The following GALNT13 variants were observed in gnomAD, a reference collection of about 807,000 sequenced individuals.
GALNT13 encodes the protein polypeptide N-acetylgalactosaminyltransferase 13.
GALNT13 carries 28 observed loss-of-function variants against 64.2 expected under a neutral mutation model. That is an observed-to-expected ratio of 0.44 (90% CI 0.32 to 0.60). The LOEUF is 0.60. Among genes scored for constraint, GALNT13 ranks in the 20% least tolerant of loss-of-function variants. The probability of loss-of-function intolerance (pLI) is 0.05; values close to 1 mark genes in which losing one functional copy is unlikely to be tolerated. For missense variants in GALNT13, 577 were observed against 669.8 expected, an observed-to-expected ratio of 0.86 and a Z score of 1.53; for synonymous variants, 214 against 224.6, an observed-to-expected ratio of 0.95 and a Z score of 0.42.
intron 3 of GALNT13, among the ~76,000 whole-genome samples, chr2:154,064,437 C>A (rs1700352901): frequency 6.6e-6 from 1 of 152,140 alleles, no homozygotes; most frequent in Non-Finnish European, 1.5e-5. Flanking sequence ...CCTTTCATAA[C>A]TCCAGGCAGC....
rs545614933 is a variant in GALNT13 at position 154,263,090 on chromosome 2, G to C, written c.975+3952G>C. On this transcript the variant is annotated intron_variant, in intron 8 of 12. Transcript: ENST00000392825. The stretch of plus-strand genomic sequence containing the variant: ...AAACTGCCACTATCCAATCAACTCA[G>C]AGCATGGGAAAAAATAAATAAAGGA... Among the ~76,000 whole-genome samples the C allele has an allele frequency of 4.6e-5, 7 of 152,170 alleles. No homozygotes were observed. In the South Asian group the frequency reaches 1.5e-3, roughly 32 times the overall value.
At chr2:153,919,598 T>C (rs1194017581) in intron 2 of GALNT13, among the ~76,000 whole-genome samples, 1 of 152,108 alleles carries the variant, frequency 6.6e-6, no homozygotes, top group Non-Finnish European at 1.5e-5. Flanking sequence ...TAATGTGGGC[T>C]AGGGTTGGGA....
chr2:154,233,066 A>G (rs1300521192), intron 4 of GALNT13, among the ~76,000 whole-genome samples: 1 of 151,548 alleles, frequency 6.6e-6, no homozygotes, highest in African/African-American at 2.4e-5. Flanking sequence ...AAGAAAAAGA[A>G]AAGAAAAAAA....
At chr2:154,170,357 T>G (rs957021528) in intron 4 of GALNT13, among the ~76,000 whole-genome samples, 2 of 152,128 alleles carry the variant, frequency 1.3e-5, no homozygotes, top group African/African-American at 4.8e-5. Flanking sequence ...TTCAGTCAAG[T>G]TGACACATAA....
chr2:153,448,690 C>T, the GALNT13 span, among the ~76,000 whole-genome samples: 3 of 152,032 alleles, frequency 2.0e-5, no homozygotes, highest in Admixed American at 2.0e-4. Context: ...TGCAAGTTAA[C>T]CTATTCTACC....
At chr2:154,432,137 T>C (rs2105450639) in intron 11 of GALNT13, among the ~76,000 whole-genome samples, 1 of 152,312 alleles carries the variant, frequency 6.6e-6, no homozygotes. Context: ...TCATTACGAC[T>C]TCAATAAAGT....
At chr2:153,653,822 T>C in the GALNT13 span, among the ~76,000 whole-genome samples, 2 of 152,168 alleles carry the variant, frequency 1.3e-5, no homozygotes, top group Non-Finnish European at 1.5e-5. Context: ...TAATCAAATA[T>C]TTGAAAAAAT....
intron 11 of GALNT13, among the ~76,000 whole-genome samples, chr2:154,418,715 G>A (rs989599359): frequency 4.6e-5 from 7 of 152,260 alleles, no homozygotes; most frequent in African/African-American, 1.4e-4. Context: ...TTTTATCAAC[G>A]ACAGGAAATT....
the GALNT13 span, among the ~76,000 whole-genome samples, chr2:153,772,134 G>A: frequency 4.4e-4 from 67 of 152,238 alleles, no homozygotes; most frequent in Non-Finnish European, 8.1e-4. Flanking sequence ...TTCAATTCTG[G>A]CTGTGAGCAT....
chr2:153,437,950 G>A, the GALNT13 span, among the ~76,000 whole-genome samples: 1 of 152,226 alleles, frequency 6.6e-6, no homozygotes, highest in Non-Finnish European at 1.5e-5. Flanking sequence ...GCATGTTTTT[G>A]CAGTGGCTGG....
intron 2 of GALNT13, among the ~76,000 whole-genome samples, chr2:153,932,087 A>G (rs965167889): frequency 2.6e-5 from 4 of 152,042 alleles, no homozygotes; most frequent in Non-Finnish European, 4.4e-5. Flanking sequence ...GTGTTAATAG[A>G]GGTGTTTATA....
the GALNT13 span, chr2:153,423,339 C>T: frequency 2.0e-5 from 3 of 151,720 alleles, no homozygotes; most frequent in Admixed American, 2.0e-4. Context: ...AAACTCTTAA[C>T]AAATAGGAGT....
At chr2:153,781,567 C>G in the GALNT13 span, among the ~76,000 whole-genome samples, 1 of 152,002 alleles carries the variant, frequency 6.6e-6, no homozygotes, top group Non-Finnish European at 1.5e-5. Context: ...TCCATGGCAA[C>G]GAAAACTCTC....
the GALNT13 span, among the ~76,000 whole-genome samples, chr2:153,167,737 A>G: frequency 0.022 from 3,368 of 152,314 alleles, 48 homozygotes; most frequent in South Asian, 0.067. Flanking sequence ...GGGGAAGGAA[A>G]GGTGAAGTGT....
At chr2:153,739,625 A>ATTATT in the GALNT13 span, among the ~76,000 whole-genome samples, 2 of 69,834 alleles carry the variant, frequency 2.9e-5, no homozygotes, top group East Asian at 4.2e-4. Flanking sequence ...GATTTTATTT[A>ATTATT]TTATTTTATT....
chr2:153,560,419 T>TA, the GALNT13 span, among the ~76,000 whole-genome samples: 10 of 151,164 alleles, frequency 6.6e-5, no homozygotes, highest in South Asian at 2.1e-4. Context: ...TCTCCCAGGT[T>TA]AAAAAAAAAC....
At chr2:153,110,695 A>G in the GALNT13 span, among the ~76,000 whole-genome samples, 1 of 152,038 alleles carries the variant, frequency 6.6e-6, no homozygotes, top group South Asian at 2.1e-4. Context: ...TTCATGTTCT[A>G]GGACTGTGTA....
the GALNT13 span, among the ~76,000 whole-genome samples, chr2:153,099,605 T>C: frequency 6.6e-6 from 1 of 152,190 alleles, no homozygotes; most frequent in African/African-American, 2.4e-5. Context: ...GGCTAAACAT[T>C]TTACTTTATG....
the GALNT13 span, among the ~76,000 whole-genome samples, chr2:153,480,242 C>G: frequency 6.6e-6 from 1 of 152,148 alleles, no homozygotes; most frequent in Non-Finnish European, 1.5e-5. Context: ...GGTAAATCCT[C>G]TTATTTCTGT....
Sources: allele counts gnomAD v4.1 joint callset (sites outside exome capture counted in the v4.1 genomes callset), GRCh38; gene constraint gnomAD v4.1.1; transcripts MANE v1.5; gene names NCBI Gene and HGNC (gene_info 2026-07-23, HGNC 2026-07-21).